The following FNBP1L variants were observed in gnomAD, a reference collection of about 807,000 sequenced individuals.
FNBP1L encodes the protein formin-binding protein 1-like.
Under a neutral mutation model 91.2 loss-of-function variants are expected in FNBP1L, and 36 were observed. The ratio of observed to expected loss-of-function variants is 0.39; its 90% CI spans 0.30 to 0.52. FNBP1L has a LOEUF of 0.52. Ranked by LOEUF, FNBP1L falls within the 20% of genes least tolerant of loss-of-function variation. The probability of loss-of-function intolerance (pLI) is 0.66; values close to 1 mark genes in which losing one functional copy is unlikely to be tolerated. For synonymous variants in FNBP1L, 242 were observed against 237.0 expected (o/e 1.02, Z -0.19); for missense variants, 571 against 732.1 (o/e 0.78, Z 2.54).
chr1:93,532,854 T>A, intron 7 of FNBP1L, 68 bp from the exon 8 acceptor site: 1 of 1,183,842 alleles, frequency 8.4e-7, no homozygotes, highest in Non-Finnish European at 1.2e-6. Flanking sequence ...GGGGGATCAC[T>A]AATTGAACTC....
intron 5 of FNBP1L, among the ~76,000 whole-genome samples, chr1:93,527,626 T>G (rs573880341): frequency 2.7e-4 from 41 of 152,104 alleles, no homozygotes; most frequent in Non-Finnish European, 5.7e-4. Flanking sequence ...GCTGCCAGGT[T>G]TTTCCAAGGA....
chr1:93,507,099 ACACACACACT>A (rs71094254), intron 2 of FNBP1L, among the ~76,000 whole-genome samples: 698 of 66,002 alleles, frequency 0.011, no homozygotes, highest in Non-Finnish European at 0.013. Context: ...ACACACACAC[ACACACACACT>A]CTCTCTCTCT....
intron 1 of FNBP1L, among the ~76,000 whole-genome samples, chr1:93,477,175 G>A (rs1356656208): frequency 2.0e-5 from 3 of 152,188 alleles, no homozygotes; most frequent in African/African-American, 4.8e-5. Flanking sequence ...TCAGTCAAGA[G>A]GCTATTGCAG....
intron 1 of FNBP1L, among the ~76,000 whole-genome samples, chr1:93,479,825 A>G (rs1444059068): frequency 6.6e-6 from 1 of 152,066 alleles, no homozygotes; most frequent in African/African-American, 2.4e-5. Context: ...AGGTGCACTG[A>G]TTTCATATTG....
intron 2 of FNBP1L, among the ~76,000 whole-genome samples, chr1:93,513,208 G>T (rs1670929590): frequency 6.6e-6 from 1 of 151,620 alleles, no homozygotes; most frequent in African/African-American, 2.4e-5. Context: ...ACTCTCCCAA[G>T]ACTAAACCAG....
rs1282368335 is a variant in FNBP1L at position 93,553,929 on chromosome 1, A to ATT, written c.*1516_*1517dup. 9 of 152,580 alleles carry ATT rather than the reference A, an allele frequency of 5.9e-5. No homozygotes were observed. Among genetic ancestry groups the ATT allele is most frequent in the Admixed American group, 2.6e-4 (4 of 15,256 alleles). The allele number at this position is 152,580 out of a possible 1,614,324, so 9.5% of individuals were successfully genotyped here. A position where few individuals can be genotyped will look rare whatever the true frequency, so the allele number is the denominator to read the frequency against. The stretch of plus-strand genomic sequence containing the variant: ...CGTGAAATGGTTTGTGTATTATTGA[A>ATT]TTTTAAGCAATATTTTAGAAGCTGT... On this transcript the variant is annotated 3_prime_UTR_variant, in exon 17 of 17. Transcript: ENST00000271234.
chr1:93,527,874 C>G (rs1015996063), intron 5 of FNBP1L, among the ~76,000 whole-genome samples: 1 of 151,926 alleles, frequency 6.6e-6, no homozygotes, highest in African/African-American at 2.4e-5. Context: ...ATACTTACAG[C>G]TGTTAGCTAA....
In FNBP1L at chr1:93,547,332, AT is replaced by A. The variant is rs745453665; in HGVS notation, c.1408-7del. The A allele has an allele frequency of 4.5e-6, 7 of 1,543,502 alleles. 1 individual carries two copies. The highest frequency in any genetic ancestry group is 3.6e-5 in the South Asian group (3 of 83,662). ...ATTTATTGAGCTCAGTTGTTTGCTTATTTTTTTTCCTAAGGCTTGGCTCTCT... is the reference window on the plus strand; with the variant it reads ...ATTTATTGAGCTCAGTTGTTTGCTTATTTTTTTCCTAAGGCTTGGCTCTCT... On this transcript the variant is annotated splice_polypyrimidine_tract_variant and intron_variant, in intron 13 of 16. Coordinates refer to ENST00000271234, the MANE Select transcript of FNBP1L (RefSeq NM_001164473.3).
At chr1:93,509,868 T>G (rs1411484515) in intron 2 of FNBP1L, among the ~76,000 whole-genome samples, 1 of 152,094 alleles carries the variant, frequency 6.6e-6, no homozygotes, top group East Asian at 1.9e-4. Context: ...TCTGGAAAAT[T>G]GGGTCACTCC....
At chr1:93,455,988 C>G (rs1412860693) in intron 1 of FNBP1L, among the ~76,000 whole-genome samples, 1 of 152,144 alleles carries the variant, frequency 6.6e-6, no homozygotes, top group Non-Finnish European at 1.5e-5. Flanking sequence ...TGTTATCTAC[C>G]TGGGCATGGG....
intron 1 of FNBP1L, among the ~76,000 whole-genome samples, chr1:93,450,218 CTACTG>C (rs1253543748): frequency 1.3e-5 from 2 of 152,004 alleles, no homozygotes; most frequent in Non-Finnish European, 2.9e-5. Context: ...TTCCATTCCT[CTACTG>C]TCTCCTATAA....
chr1:93,484,447 A>G (rs1372470157), intron 1 of FNBP1L, among the ~76,000 whole-genome samples: 1 of 152,246 alleles, frequency 6.6e-6, no homozygotes, highest in Non-Finnish European at 1.5e-5. Flanking sequence ...GAGATGGTGC[A>G]AAGGGATGCT....
intron 3 of FNBP1L, 114 bp downstream of exon 3, chr1:93,522,249 T>A (rs1671354000): frequency 2.3e-6 from 1 of 441,094 alleles, no homozygotes; most frequent in Non-Finnish European, 3.5e-6. Context: ...AAAGTTTAAT[T>A]TAAAAATTAA....
At chr1:93,510,266 C>G (rs951732986) in intron 2 of FNBP1L, among the ~76,000 whole-genome samples, 14 of 148,574 alleles carry the variant, frequency 9.4e-5, no homozygotes, top group Non-Finnish European at 1.1e-4. Context: ...GATCTGAGAA[C>G]GGGCAGACTG....
chr1:93,456,277 T>C (rs1169941466), intron 1 of FNBP1L, among the ~76,000 whole-genome samples: 1 of 152,210 alleles, frequency 6.6e-6, no homozygotes, highest in East Asian at 1.9e-4. Flanking sequence ...CTTAAGTTCT[T>C]GATAAATAAC....
chr1:93,512,965 A>C (rs1297921482), intron 2 of FNBP1L, among the ~76,000 whole-genome samples: 1 of 152,296 alleles, frequency 6.6e-6, no homozygotes, highest in East Asian at 1.9e-4. Context: ...AACCCTTCAA[A>C]AAATTAATGA....
At chr1:93,506,669 A>G (rs1243045358) in intron 2 of FNBP1L, among the ~76,000 whole-genome samples, 1 of 152,210 alleles carries the variant, frequency 6.6e-6, no homozygotes, top group Non-Finnish European at 1.5e-5. Context: ...TCAAATATTG[A>G]AAGGTTGAAA....
At chr1:93,542,666 A>G (rs1672086691) in intron 11 of FNBP1L, among the ~76,000 whole-genome samples, 1 of 151,614 alleles carries the variant, frequency 6.6e-6, no homozygotes, top group East Asian at 1.9e-4. Flanking sequence ...TATTTAGCAT[A>G]TGTTACAGGC....
chr1:93,512,206 C>A (rs1181978201), intron 2 of FNBP1L, among the ~76,000 whole-genome samples: 1 of 152,096 alleles, frequency 6.6e-6, no homozygotes, highest in Non-Finnish European at 1.5e-5. Context: ...GGGATCAATT[C>A]AACAAGAAGA....
Sources: allele counts gnomAD v4.1 joint callset (sites outside exome capture counted in the v4.1 genomes callset), GRCh38; gene constraint gnomAD v4.1.1; transcripts MANE v1.5; gene names NCBI Gene and HGNC (gene_info 2026-07-23, HGNC 2026-07-21).